The following AP3B1 variants were observed in gnomAD, a reference collection of about 807,000 sequenced individuals.
The protein encoded by AP3B1 is AP-3 complex subunit beta-1.
AP3B1 carries 61 observed loss-of-function variants against 132.5 expected under a neutral mutation model. That is an observed-to-expected ratio of 0.46 (90% CI 0.37 to 0.57). The LOEUF (loss-of-function observed/expected upper bound fraction) is 0.57. AP3B1 is among the 20% of genes least tolerant of loss of function. The probability of loss-of-function intolerance (pLI) is 0.00; values close to 1 mark genes in which losing one functional copy is unlikely to be tolerated. For synonymous variants in AP3B1, 388 were observed against 438.3 expected (o/e 0.89, Z 1.43); for missense variants, 1,120 against 1,289.4 (o/e 0.87, Z 2.01).
intron 22 of AP3B1, among the ~76,000 whole-genome samples, chr5:78,069,481 T>C (rs894621033): frequency 5.8e-5 from 8 of 138,754 alleles, no homozygotes; most frequent in South Asian, 4.1e-4. Context: ...GGCCAAATAA[T>C]GAATGAACTC....
In AP3B1 at chr5:78,129,293, G is replaced by T. The variant is rs1285324596; in HGVS notation, c.1665C>A (p.Thr555=). ...LTNSKQTKLL[T]QYILNLGKYD... ...ACTTGCCGAGATTTAATATGTACTG[G>T]GTAAGCAATTTTGTCTGTTGGAAAA... Residue 555 remains threonine (T), a synonymous_variant, in exon 16 of 27, where the codon ACC becomes ACA. Transcript: ENST00000255194. 1 of 1,611,862 alleles carries T rather than the reference G, an allele frequency of 6.2e-7. No homozygotes were observed. The highest frequency in any genetic ancestry group is 8.5e-7 in the Non-Finnish European group (1 of 1,178,436).
chr5:78,116,464 T>C (rs1007044662), intron 17 of AP3B1, among the ~76,000 whole-genome samples: 42 of 152,184 alleles, frequency 2.8e-4, no homozygotes, highest in African/African-American at 8.7e-4. Flanking sequence ...TTATTTTAAA[T>C]ATACAATTTT....
chr5:78,054,807 G>A (rs1313543954), intron 22 of AP3B1, among the ~76,000 whole-genome samples: 1 of 152,138 alleles, frequency 6.6e-6, no homozygotes, highest in East Asian at 1.9e-4. Flanking sequence ...TATGTCTTAG[G>A]AGATGTACAA....
At chr5:78,058,435 G>A (rs1468252233) in intron 22 of AP3B1, among the ~76,000 whole-genome samples, 1 of 152,072 alleles carries the variant, frequency 6.6e-6, no homozygotes, top group Non-Finnish European at 1.5e-5. Flanking sequence ...GGGAGGCGGA[G>A]GTTGCAGTGA....
intron 17 of AP3B1, among the ~76,000 whole-genome samples, chr5:78,118,832 T>G (rs1181887578): frequency 6.6e-6 from 1 of 152,118 alleles, no homozygotes; most frequent in South Asian, 2.1e-4. Flanking sequence ...AGGAGTGGTT[T>G]TCCCAGCACG....
intron 22 of AP3B1, among the ~76,000 whole-genome samples, chr5:78,052,632 C>T (rs1218475200): frequency 6.6e-6 from 1 of 152,026 alleles, no homozygotes; most frequent in African/African-American, 2.4e-5. Flanking sequence ...ACTACCTGGC[C>T]CTTTACAAAA....
At chr5:78,113,127 G>C (rs148691629) in intron 19 of AP3B1, among the ~76,000 whole-genome samples, 67 of 152,344 alleles carry the variant, frequency 4.4e-4, no homozygotes, top group Middle Eastern at 3.4e-3. Context: ...AAGTGAGCGG[G>C]CAGCAGGCTC....
chr5:78,043,197 GT>G, intron 22 of AP3B1: 1 of 154,612 alleles, frequency 6.5e-6, no homozygotes, highest in East Asian at 1.9e-4. Flanking sequence ...GTGCGGTGGT[GT>G]GATATGAGCT....
At chr5:78,055,750 C>A (rs1580290632) in intron 22 of AP3B1, among the ~76,000 whole-genome samples, 3 of 152,076 alleles carry the variant, frequency 2.0e-5, no homozygotes, top group African/African-American at 7.2e-5. Context: ...AAAGAACTAG[C>A]ATGGAAACTT....
intron 20 of AP3B1, among the ~76,000 whole-genome samples, chr5:78,109,975 C>T (rs1174323029): frequency 6.6e-6 from 1 of 152,066 alleles, no homozygotes; most frequent in Admixed American, 6.5e-5. Context: ...AAAACCCCCC[C>T]CTTGTCACAA....
At chr5:78,009,549 C>T (rs1275105946) in intron 26 of AP3B1, among the ~76,000 whole-genome samples, 2 of 152,008 alleles carry the variant, frequency 1.3e-5, no homozygotes, top group Non-Finnish European at 1.5e-5. Flanking sequence ...AATAAACTGT[C>T]TTTATGTGTG....
chr5:78,257,386 T>C lies in AP3B1; in HGVS notation c.204+10134A>G, dbSNP rs140653006. ...TTCTATATGCCAACAGTGAACAAGG[T>C]GAAAAAGAAATTTTAAAAGTAATCC... On this transcript the variant is annotated intron_variant, in intron 2 of 26. Coordinates refer to ENST00000255194, the MANE Select transcript of AP3B1 (RefSeq NM_003664.5). 2.0e-5 allele frequency among the ~76,000 whole-genome samples: 3 copies of C among 152,078 alleles called. No homozygotes were observed. In the East Asian group the frequency reaches 5.8e-4, roughly 29 times the overall value.
intron 7 of AP3B1, among the ~76,000 whole-genome samples, chr5:78,213,333 G>A (rs1264996808): frequency 1.3e-5 from 2 of 152,208 alleles, no homozygotes; most frequent in African/African-American, 4.8e-5. Flanking sequence ...TTAGCACAGA[G>A]GAAGCCTGAG....
At chr5:78,134,149 C>CAAAAAAAAAAAAAA (rs397961933) in intron 15 of AP3B1, among the ~76,000 whole-genome samples, 21 of 74,184 alleles carry the variant, frequency 2.8e-4, no homozygotes, top group African/African-American at 1.1e-3. Flanking sequence ...AGACTCGCCT[C>CAAAAAAAAAAAAAA]AAAAAAAAAA....
At chr5:78,204,337 G>A (rs1745417883) in intron 7 of AP3B1, among the ~76,000 whole-genome samples, 1 of 152,090 alleles carries the variant, frequency 6.6e-6, no homozygotes, top group Non-Finnish European at 1.5e-5. Context: ...TTACTGTTTT[G>A]TTAGCTTGCA....
At chr5:78,103,884 A>G (rs1375483949) in intron 20 of AP3B1, among the ~76,000 whole-genome samples, 5 of 152,168 alleles carry the variant, frequency 3.3e-5, no homozygotes, top group African/African-American at 4.8e-5. Flanking sequence ...CCTCCAAATA[A>G]TACAAACAAA....
At chr5:78,000,538 G>A (rs773442305), downstream of AP3B1, 23 of 152,152 alleles carry the variant, frequency 1.5e-4, 1 homozygote, top group Admixed American at 1.2e-3. Context: ...AGAAGGACAA[G>A]TATACAGTAT....
At position 78,129,223 on chromosome 5, in the gene AP3B1, G is replaced by T; in HGVS notation, c.1735C>A (p.Gln579Lys). 1.9e-6 allele frequency: 3 copies of T among 1,613,012 alleles called. No homozygotes were observed. Among genetic ancestry groups the T allele is most frequent in the Non-Finnish European group, 2.5e-6 (3 of 1,179,188 alleles). The change falls in exon 16 of 27, where the codon CAG (glutamine) becomes AAG (lysine). Residue 579 changes from glutamine to lysine, a missense_variant. Coordinates refer to ENST00000255194, the MANE Select transcript of AP3B1 (RefSeq NM_003664.5). The part of the protein sequence containing the change: ...DIRDRTRFIR[Q>K]LIVPNVKSGA... ...CTCTTTACATTCGGAACAATAAGCT[G>T]CCTAATAAATCTTGTACGGTCTCTG...
intron 22 of AP3B1, among the ~76,000 whole-genome samples, chr5:78,062,232 C>T (rs1749090209): frequency 6.6e-6 from 1 of 152,128 alleles, no homozygotes; most frequent in South Asian, 2.1e-4. Flanking sequence ...GGTAGGTAAC[C>T]TGAATGTTTA....
Sources: gnomAD v4.1 joint callset for allele counts (sites outside exome capture counted in the v4.1 genomes callset) on GRCh38, gnomAD v4.1.1 for gene constraint, MANE v1.5 for transcripts, NCBI Gene and HGNC (gene_info 2026-07-23, HGNC 2026-07-21) for gene names.